Variants in NSD2 observed in about 807,000 individuals in gnomAD.
NSD2 encodes nuclear receptor binding SET domain protein 2.
Under a neutral mutation model 139.0 loss-of-function variants are expected in NSD2, and 12 were observed. The observed-to-expected ratio is 0.09, with a 90% CI of 0.06 to 0.14. The LOEUF is 0.14. Among genes scored for constraint, NSD2 ranks in the 10% least tolerant of loss-of-function variants. NSD2 has a pLI of 1.00. For missense variants in NSD2, 1,155 were observed against 1,745.0 expected (o/e 0.66, Z 6.02); for synonymous variants, 669 against 648.7 (o/e 1.03, Z -0.48).
chr4:1,940,181 GC>G (rs1482296644), intron 9 of NSD2: 1 of 1,090,186 alleles, frequency 9.2e-7, no homozygotes, highest in Non-Finnish European at 1.1e-6. Context: ...GGGGTGGAAG[GC>G]GACTCACACA....
chr4:1,946,910 T>C (rs989703285), intron 9 of NSD2: 10 of 1,059,356 alleles, frequency 9.4e-6, no homozygotes, highest in African/African-American at 1.6e-5. Context: ...TTTGTGTTTT[T>C]TTCTAGCCTA....
In NSD2 at chr4:1,948,007, G is replaced by A. The variant is rs1723815007; in HGVS notation, c.1882-3065G>A. 31 of 1,056,606 alleles carry A rather than the reference G, an allele frequency of 2.9e-5. 1 individual carries two copies. Among genetic ancestry groups the A allele is most frequent in the Non-Finnish European group, 3.5e-5 (31 of 873,708 alleles). The allele number at this position is 1,056,606 out of a possible 1,614,324, so 65.5% of individuals were successfully genotyped here. A position where few individuals can be genotyped will look rare whatever the true frequency, so the allele number is the denominator to read the frequency against. On this transcript the variant is annotated intron_variant, in intron 9 of 21. Transcript: ENST00000508803. The surrounding 1 kb of genome is among the most constrained non-coding windows in gnomAD (Gnocchi z 4.5). The stretch of plus-strand genomic sequence containing the variant: ...GAATGTGTTCACTAGGTTCCGTTAT[G>A]TTTGGTAATATCATCTTGAAAAGTC...
chr4:1,900,156 G>C (rs537737216), intron 1 of NSD2, among the ~76,000 whole-genome samples: 1 of 152,190 alleles, frequency 6.6e-6, no homozygotes, highest in Non-Finnish European at 1.5e-5. Context: ...AGGAGGGATT[G>C]GGATGAGCTC....
intron 5 of NSD2, among the ~76,000 whole-genome samples, chr4:1,922,374 C>G (rs542023236): frequency 6.6e-6 from 1 of 152,126 alleles, no homozygotes; most frequent in Non-Finnish European, 1.5e-5. Context: ...ATCAATATTA[C>G]GAAATATGCA....
At chr4:1,943,065 G>A (rs1315521564) in intron 9 of NSD2, 10 of 1,050,128 alleles carry the variant, frequency 9.5e-6, no homozygotes, top group East Asian at 5.4e-5. Flanking sequence ...ATCAGGTTAT[G>A]TACACCAACC....
chr4:1,945,412 G>A, intron 9 of NSD2: 1 of 1,064,786 alleles, frequency 9.4e-7, no homozygotes, highest in Middle Eastern at 4.2e-4. Context: ...AGAGGTGTGT[G>A]TGAGGCTGCC....
At chr4:1,953,028 C>G (rs979117378) in intron 11 of NSD2, 7 of 1,442,864 alleles carry the variant, frequency 4.9e-6, no homozygotes. Context: ...TCATAGGAGC[C>G]CCTTCTTTCA....
intron 3 of NSD2, among the ~76,000 whole-genome samples, chr4:1,913,187 C>T (rs372990511): frequency 1.3e-4 from 20 of 152,360 alleles, no homozygotes; most frequent in Admixed American, 9.1e-4. Flanking sequence ...CCCTCTGTCA[C>T]GCCCAGACAG....
Position 1,948,590 on chromosome 4 carries a change from G to T in NSD2, c.1882-2482G>T. On this transcript the variant is annotated intron_variant, in intron 9 of 21. Coordinates refer to ENST00000508803, the MANE Select transcript of NSD2 (RefSeq NM_001042424.3). This position sits in a 1 kb window ranked among gnomAD's most constrained non-coding sequence, Gnocchi z 4.5. ...GAAAAAGTCGGAATCTCTGCAATCTGTGTCATGGACTGTACTATTGTAAGG... is the reference window on the plus strand; with the variant it reads ...GAAAAAGTCGGAATCTCTGCAATCTTTGTCATGGACTGTACTATTGTAAGG... 9.4e-7 allele frequency: 1 copy of T among 1,063,852 alleles called. No homozygotes were observed. The highest frequency in any genetic ancestry group is 5.4e-5 in the Admixed American group (1 of 18,616). 65.9% of individuals were successfully genotyped at this position (1,063,852 alleles called of 1,614,324 possible).
In NSD2 at chr4:1,955,291, G is replaced by C; in HGVS notation, c.2469G>C (p.Lys823Asn). 6.2e-7 allele frequency: 1 copy of C among 1,613,988 alleles called. No homozygotes were observed. Among genetic ancestry groups the C allele is most frequent in the Non-Finnish European group, 8.5e-7 (1 of 1,179,966 alleles). The change falls in exon 13 of 22, where the codon AAG becomes AAC. Residue 823 changes from lysine (K) to asparagine (N), a missense_variant. Physicochemically the swap from Lys to Asn is moderately conservative, Grantham distance 94. Around this residue, in one of 8 missense-constraint regions of NSD2, gnomAD observed 120 missense variants for 239.3 expected, o/e 0.50. Coordinates refer to ENST00000508803, the MANE Select transcript of NSD2 (RefSeq NM_001042424.3). This position sits in a 1 kb window ranked among gnomAD's most constrained non-coding sequence, Gnocchi z 4.7. Reference protein sequence around the residue: ...CTAHFTARKGKRHHAHVNVSW... With the variant: ...CTAHFTARKGNRHHAHVNVSW... ...CCCACTTCACTGCTCGGAAGGGGAA[G>C]CGACACCACGCCCACGTCAACGTGA...
chr4:1,914,311 C>T (rs751528522), intron 3 of NSD2, among the ~76,000 whole-genome samples: 4 of 152,120 alleles, frequency 2.6e-5, no homozygotes, highest in Admixed American at 6.5e-5. Flanking sequence ...GTGTGAGCCA[C>T]TGCACCCAGC....
chr4:1,921,781 CAAAAAAAAA>C (rs748895885), intron 5 of NSD2, among the ~76,000 whole-genome samples: 1 of 64,984 alleles, frequency 1.5e-5, no homozygotes, highest in African/African-American at 5.3e-5. Context: ...GACTCTGTCT[CAAAAAAAAA>C]AAAAAAAAAA....
chr4:1,963,391 C>G (rs1386635721), intron 18 of NSD2, among the ~76,000 whole-genome samples: 1 of 152,156 alleles, frequency 6.6e-6, no homozygotes, highest in Non-Finnish European at 1.5e-5. Context: ...AGGGAAGGGA[C>G]TAATAAACTT....
In NSD2 at chr4:1,895,729, T is replaced by G. The variant is rs186931128; in HGVS notation, c.-29-4897T>G. On this transcript the variant is annotated intron_variant, in intron 1 of 21. Transcript: ENST00000508803. ...GAGAGGGGGGCTCCCCATGAGCAGTTCTCAGGTTTCCCTGCAGGTCCTACC... is the reference window on the plus strand; with the variant it reads ...GAGAGGGGGGCTCCCCATGAGCAGTGCTCAGGTTTCCCTGCAGGTCCTACC... 6.6e-3 allele frequency among the ~76,000 whole-genome samples: 1,007 copies of G among 152,316 alleles called. 12 individuals carry two copies. Among genetic ancestry groups the G allele is most frequent in the African/African-American group, 0.023 (966 of 41,576 alleles).
At chr4:1,932,273 C>G (rs1721731754) in intron 6 of NSD2, among the ~76,000 whole-genome samples, 1 of 151,700 alleles carries the variant, frequency 6.6e-6, no homozygotes, top group African/African-American at 2.4e-5. Flanking sequence ...CCCATCTCTA[C>G]TAAAAATACA....
At chr4:1,930,109 G>C (rs1721465353) in intron 5 of NSD2, among the ~76,000 whole-genome samples, 1 of 152,132 alleles carries the variant, frequency 6.6e-6, no homozygotes, top group Non-Finnish European at 1.5e-5. Context: ...GGCTGTGCAA[G>C]GTTGTCTCCG....
chr4:1,885,609 A>G (rs1349901312), intron 1 of NSD2, among the ~76,000 whole-genome samples: 1 of 151,594 alleles, frequency 6.6e-6, no homozygotes, highest in East Asian at 1.9e-4. Context: ...GGGGCCACAC[A>G]TCATGCTGGA....
At chr4:1,927,524 C>T (rs1577462594) in intron 5 of NSD2, among the ~76,000 whole-genome samples, 2 of 152,044 alleles carry the variant, frequency 1.3e-5, no homozygotes, top group East Asian at 3.9e-4. Flanking sequence ...TCGAGACCAG[C>T]CTGGCCCACA....
intron 5 of NSD2, among the ~76,000 whole-genome samples, chr4:1,924,735 A>T (rs182025289): frequency 6.7e-6 from 1 of 149,664 alleles, no homozygotes; most frequent in African/African-American, 2.5e-5. Flanking sequence ...ACACAGTGAG[A>T]CTCTCATCTC....
Sources: gnomAD v4.1 joint callset for allele counts (sites outside exome capture counted in the v4.1 genomes callset) on GRCh38, gnomAD v4.1.1 for gene constraint, gnomAD v4.1.1 regional missense constraint, Gnocchi (gnomAD v3.1) non-coding constraint, MANE v1.5 for transcripts, NCBI Gene and HGNC (gene_info 2026-07-23, HGNC 2026-07-21) for gene names.